The following DOCK1 variants were observed in gnomAD, a reference collection of about 807,000 sequenced individuals.
DOCK1 encodes dedicator of cytokinesis protein 1.
A neutral mutation model predicts 262.7 loss-of-function variants in DOCK1; 138 were observed. The observed-to-expected ratio is 0.53, with a 90% CI of 0.46 to 0.61. DOCK1 has a LOEUF of 0.61. Among genes scored for constraint, DOCK1 ranks in the 20% least tolerant of loss-of-function variants. The pLI is 0.00. For synonymous variants in DOCK1, 866 were observed against 867.4 expected (o/e 1.00, Z 0.03); for missense variants, 1,908 against 2,370.7 (o/e 0.80, Z 4.05).
intron 1 of DOCK1, among the ~76,000 whole-genome samples, chr10:126,949,074 G>A (rs916439009): frequency 3.3e-5 from 5 of 152,134 alleles, no homozygotes; most frequent in Non-Finnish European, 7.4e-5. Context: ...CCCTTTCTGG[G>A]AGTGGTGCAC....
chr10:127,174,340 C>G (rs559292741), intron 27 of DOCK1, among the ~76,000 whole-genome samples: 1 of 152,146 alleles, frequency 6.6e-6, no homozygotes, highest in Non-Finnish European at 1.5e-5. Context: ...AGGCGAAGTC[C>G]GATAACCCCC....
chr10:127,087,085 G>C (rs2047243727), intron 23 of DOCK1, among the ~76,000 whole-genome samples: 1 of 152,168 alleles, frequency 6.6e-6, no homozygotes, highest in South Asian at 2.1e-4. Context: ...AAGGCCAGGG[G>C]ATGTGGTCAG....
chr10:127,359,143 C>CAA (rs60352979), intron 32 of DOCK1, among the ~76,000 whole-genome samples: 2,209 of 142,578 alleles, frequency 0.015, 52 homozygotes, highest in African/African-American at 0.053. Context: ...ATGCAAATGT[C>CAA]AAAAAAAAAA....
chr10:127,022,517 C>G (rs924294281), intron 13 of DOCK1, among the ~76,000 whole-genome samples: 36 of 151,930 alleles, frequency 2.4e-4, no homozygotes, highest in Admixed American at 6.6e-4. Flanking sequence ...TTCTGCCTCC[C>G]GAGTAGCTGG....
rs532430038 is a variant in DOCK1 at position 127,355,123 on chromosome 10, T to C, written c.3283+396T>C. 5.5e-3 allele frequency among the ~76,000 whole-genome samples: 388 copies of C among 69,962 alleles called. 4 individuals carry two copies. The highest frequency in any genetic ancestry group is 0.027 in the African/African-American group (361 of 13,436). The allele number at this position is 69,962 out of a possible 152,430, so 45.9% of individuals were successfully genotyped here. On this transcript the variant is annotated intron_variant, in intron 32 of 51. Transcript: ENST00000623213. ...TTACAGACTCTGCCTTCTAAAGGGT[T>C]AATTCCCCTCCTCAAAACCAGATCT...
chr10:127,359,526 A>C (rs1035239643), intron 32 of DOCK1, among the ~76,000 whole-genome samples: 2 of 152,176 alleles, frequency 1.3e-5, no homozygotes, highest in African/African-American at 4.8e-5. Flanking sequence ...GGCATAATAC[A>C]AGGAAAGTGT....
At chr10:127,040,356 C>G (rs2043939620) in intron 19 of DOCK1, among the ~76,000 whole-genome samples, 1 of 152,200 alleles carries the variant, frequency 6.6e-6, no homozygotes, top group Non-Finnish European at 1.5e-5. Context: ...GTGACATTTT[C>G]TGGTATAAAG....
At chr10:127,187,728 GAGAAAGAA>G (rs199545105) in intron 27 of DOCK1, among the ~76,000 whole-genome samples, 2 of 119,316 alleles carry the variant, frequency 1.7e-5, no homozygotes, top group African/African-American at 5.5e-5. Context: ...AGAAGAAAGA[GAGAAAGAA>G]AGAAAGAAAG....
intron 27 of DOCK1, among the ~76,000 whole-genome samples, chr10:127,220,467 TA>T (rs34781670): frequency 0.36 from 53,741 of 150,232 alleles, 9,841 homozygotes; most frequent in East Asian, 0.42. Flanking sequence ...TAATTTCAGG[TA>T]AAAAAAAAAC....
At chr10:127,087,671 T>C (rs2047276660) in intron 23 of DOCK1, among the ~76,000 whole-genome samples, 1 of 152,168 alleles carries the variant, frequency 6.6e-6, no homozygotes, top group Non-Finnish European at 1.5e-5. Context: ...TAGCCAAGCC[T>C]TGATGAGGTT....
intron 22 of DOCK1, among the ~76,000 whole-genome samples, chr10:127,056,811 C>T (rs1288651879): frequency 6.6e-6 from 1 of 152,144 alleles, no homozygotes; most frequent in Non-Finnish European, 1.5e-5. Context: ...CACCTAGCCG[C>T]ATTGTGCAGA....
Position 127,260,173 on chromosome 10 carries a change from C to T in DOCK1, c.3044+2744C>T, listed in dbSNP as rs561771362. On this transcript the variant is annotated intron_variant, in intron 29 of 51. Transcript: ENST00000623213. The stretch of plus-strand genomic sequence containing the variant: ...GTATGGCGCCTGACAGAGGTACCCG[C>T]GCTGCAGCAGCAGGTTGGTACAGTG... Among the ~76,000 whole-genome samples the T allele has an allele frequency of 2.6e-5, 4 of 152,214 alleles. No individual in the cohort carries two copies. The South Asian group carries it at 6.2e-4, about 24-fold the overall frequency.
chr10:127,069,200 T>G (rs11015988), intron 23 of DOCK1, among the ~76,000 whole-genome samples: 2 of 152,164 alleles, frequency 1.3e-5, no homozygotes, highest in Non-Finnish European at 2.9e-5. Flanking sequence ...TCTTTTCCAC[T>G]TCCTTCTATG....
At chr10:127,215,426 C>T (rs182781842) in intron 27 of DOCK1, among the ~76,000 whole-genome samples, 1 of 152,168 alleles carries the variant, frequency 6.6e-6, no homozygotes, top group Non-Finnish European at 1.5e-5. Context: ...TTACTTGGCG[C>T]CAAGCATGGC....
intron 16 of DOCK1, among the ~76,000 whole-genome samples, chr10:127,028,874 G>T (rs2043054330): frequency 6.6e-6 from 1 of 152,196 alleles, no homozygotes; most frequent in Non-Finnish European, 1.5e-5. Context: ...CTAGTGGGCT[G>T]CAGTGTGCCC....
At position 127,040,409 on chromosome 10, in the gene DOCK1, C is replaced by T. The variant is rs191591079; in HGVS notation, c.2011-2216C>T. ...AGCCAAGCATGGAGAGGATTTTACT[C>T]CTTAAAGGGTCTCTGATCTCATGCT... On this transcript the variant is annotated intron_variant, in intron 19 of 51. Coordinates refer to ENST00000623213, the MANE Select transcript of DOCK1 (RefSeq NM_001290223.2). Among the ~76,000 whole-genome samples the T allele has an allele frequency of 3.3e-4, 50 of 152,292 alleles. 1 individual carries two copies. The highest frequency in any genetic ancestry group is 3.0e-3 in the Admixed American group (46 of 15,302).
intron 29 of DOCK1, among the ~76,000 whole-genome samples, chr10:127,262,609 A>T (rs1002595924): frequency 6.6e-6 from 1 of 152,188 alleles, no homozygotes; most frequent in Non-Finnish European, 1.5e-5. Flanking sequence ...GTGGTAAGAT[A>T]CTTGAAACTG....
chr10:126,971,024 C>G (rs1340025277), intron 2 of DOCK1, among the ~76,000 whole-genome samples: 1 of 151,654 alleles, frequency 6.6e-6, no homozygotes, highest in Non-Finnish European at 1.5e-5. Context: ...CTCCTTGGCT[C>G]CTTATTTTCA....
intron 28 of DOCK1, among the ~76,000 whole-genome samples, chr10:127,253,895 G>GAAAAAAAA (rs1554931841): frequency 1.8e-5 from 2 of 108,480 alleles, no homozygotes; most frequent in Non-Finnish European, 4.2e-5. Context: ...AAAAAAAAAG[G>GAAAAAAAA]AAACCATGAT....
Sources: gnomAD v4.1 joint callset for allele counts (sites outside exome capture counted in the v4.1 genomes callset) on GRCh38, gnomAD v4.1.1 for gene constraint, MANE v1.5 for transcripts, NCBI Gene and HGNC (gene_info 2026-07-23, HGNC 2026-07-21) for gene names.